Variants in PPP1R12B observed in about 807,000 individuals in gnomAD.
PPP1R12B encodes the protein myosin phosphatase target subunit 2.
A neutral mutation model predicts 126.1 loss-of-function variants in PPP1R12B; 76 were observed. The observed-to-expected ratio is 0.60, with a 90% CI of 0.50 to 0.73. The LOEUF is 0.73. PPP1R12B is among the 30% of genes least tolerant of loss of function. The probability of loss-of-function intolerance (pLI) is 0.00; values close to 1 mark genes in which losing one functional copy is unlikely to be tolerated. For synonymous variants in PPP1R12B, 356 were observed against 434.7 expected, an observed-to-expected ratio of 0.82 and a Z score of 2.25; for missense variants, 1,052 against 1,205.1, an observed-to-expected ratio of 0.87 and a Z score of 1.88.
chr1:202,470,311 G>T (rs1675672709), intron 13 of PPP1R12B, among the ~76,000 whole-genome samples: 1 of 151,986 alleles, frequency 6.6e-6, no homozygotes, highest in African/African-American at 2.4e-5. Context: ...GAGTACCTGT[G>T]CTTTCTATAT....
At chr1:202,394,522 A>G (rs758723070) in intron 1 of PPP1R12B, among the ~76,000 whole-genome samples, 7 of 152,070 alleles carry the variant, frequency 4.6e-5, no homozygotes, top group Non-Finnish European at 1.0e-4. Context: ...TGGGAGGCCA[A>G]GGCGAGCGGA....
intron 1 of PPP1R12B, among the ~76,000 whole-genome samples, chr1:202,385,353 A>G (rs1278323516): frequency 6.6e-6 from 1 of 152,148 alleles, no homozygotes; most frequent in Non-Finnish European, 1.5e-5. Context: ...GCTTCTTCTT[A>G]GTTGAGGAAG....
At chr1:202,560,114 C>G (rs1223506438) in intron 19 of PPP1R12B, among the ~76,000 whole-genome samples, 1 of 152,140 alleles carries the variant, frequency 6.6e-6, no homozygotes, top group African/African-American at 2.4e-5. Flanking sequence ...ATATCCTTCC[C>G]TTCAGCCATA....
Position 202,564,494 on chromosome 1 carries a change from G to A in PPP1R12B, c.2704G>A (p.Glu902Lys). The A allele has an allele frequency of 1.2e-6, 2 of 1,612,872 alleles. No individual in the cohort carries two copies. Among genetic ancestry groups the A allele is most frequent in the Non-Finnish European group, 1.7e-6 (2 of 1,179,566 alleles). The change falls in exon 21 of 24, where the codon GAA (glutamate) becomes AAA (lysine). Residue 902 changes from glutamate (E) to lysine (K), a missense_variant. Glu to Lys is a moderately conservative substitution (Grantham distance 56, BLOSUM62 1). Coordinates refer to ENST00000608999, the MANE Select transcript of PPP1R12B (RefSeq NM_002481.4). ...CCAAAAACTGAAAACAAAACTTCAG[G>A]AAGCCCAGCTAGAGCTAGCAGATAT... ...ENQKLKTKLQEAQLELADIKS... is the reference protein window; with the variant it reads ...ENQKLKTKLQKAQLELADIKS...
In PPP1R12B at chr1:202,420,929, C is replaced by G. The variant is rs1163105146; in HGVS notation, c.423-1691C>G. On this transcript the variant is annotated intron_variant, in intron 2 of 23. Coordinates refer to ENST00000608999, the MANE Select transcript of PPP1R12B (RefSeq NM_002481.4). ...GGCACTGAGAAAGCAAAAACATGGT[C>G]TTAATCTAATCTCTATTGATTCTTT... Among the ~76,000 whole-genome samples the G allele has an allele frequency of 2.8e-5, 4 of 143,798 alleles. No homozygotes were observed. The Admixed American group carries it at 2.8e-4, about 10-fold the overall frequency. 94.3% of individuals were successfully genotyped at this position (143,798 alleles called of 152,430 possible).
chr1:202,483,046 T>C (rs1677609126), intron 13 of PPP1R12B, among the ~76,000 whole-genome samples: 1 of 152,200 alleles, frequency 6.6e-6, no homozygotes, highest in African/African-American at 2.4e-5. Context: ...CAAAAATCAG[T>C]TGGCTTTAGG....
chr1:202,381,971 C>T (rs754336031), intron 1 of PPP1R12B, among the ~76,000 whole-genome samples: 16 of 152,072 alleles, frequency 1.1e-4, no homozygotes, highest in East Asian at 1.9e-4. Context: ...GACACATGCA[C>T]GCGTATGTTT....
At chr1:202,362,529 G>C (rs1036082300) in intron 1 of PPP1R12B, among the ~76,000 whole-genome samples, 9 of 152,128 alleles carry the variant, frequency 5.9e-5, no homozygotes, top group African/African-American at 1.9e-4. Context: ...GTGCTTAACA[G>C]GTATTTTTTA....
chr1:202,422,599 TC>T lies in PPP1R12B; in HGVS notation c.423-19del. On this transcript the variant is annotated intron_variant, in intron 2 of 23. Coordinates refer to ENST00000608999, the MANE Select transcript of PPP1R12B (RefSeq NM_002481.4). Reference sequence around the variant, plus strand: ...ATATTAGATTGACAGATAATATTGATCCTGGATCTTGTCTACGCAGGTATTT... The same window carrying T: ...ATATTAGATTGACAGATAATATTGATCTGGATCTTGTCTACGCAGGTATTT... 1 of 1,607,246 alleles carries T rather than the reference TC, an allele frequency of 6.2e-7. No homozygotes were observed. The highest frequency in any genetic ancestry group is 2.2e-5 in the East Asian group (1 of 44,826).
intron 13 of PPP1R12B, among the ~76,000 whole-genome samples, chr1:202,455,797 C>T (rs1175774272): frequency 6.6e-6 from 1 of 152,126 alleles, no homozygotes; most frequent in East Asian, 1.9e-4. Flanking sequence ...ATGACGTGAC[C>T]TATAGTTTTT....
chr1:202,413,887 T>C (rs1348068438), intron 1 of PPP1R12B, among the ~76,000 whole-genome samples: 1 of 152,150 alleles, frequency 6.6e-6, no homozygotes, highest in Non-Finnish European at 1.5e-5. Flanking sequence ...TTGTAGATGT[T>C]TTTCTTGGAT....
chr1:202,427,058 C>T lies in PPP1R12B; in HGVS notation c.720C>T (p.Gly240=). Residue 240 remains glycine, a synonymous_variant, in exon 5 of 24, where the codon GGC becomes GGT. Coordinates refer to ENST00000608999, the MANE Select transcript of PPP1R12B (RefSeq NM_002481.4). ...TTTTTAGACTTTTAATTCAGGCTGG[C>T]TATGAACTCAATGTTCAGGATTATG... The part of the protein sequence containing the change: ...SEVLRLLIQA[G]YELNVQDYDG... The T allele has an allele frequency of 6.2e-7, 1 of 1,613,022 alleles. No homozygotes were observed. Among genetic ancestry groups the T allele is most frequent in the Non-Finnish European group, 8.5e-7 (1 of 1,179,774 alleles).
At chr1:202,403,425 T>G (rs1323027930) in intron 1 of PPP1R12B, among the ~76,000 whole-genome samples, 1 of 152,262 alleles carries the variant, frequency 6.6e-6, no homozygotes, top group Non-Finnish European at 1.5e-5. Flanking sequence ...CCTCTTGAGT[T>G]GTAAAGTTAC....
At chr1:202,571,836 T>C (rs552458711) in intron 23 of PPP1R12B, among the ~76,000 whole-genome samples, 1 of 152,022 alleles carries the variant, frequency 6.6e-6, no homozygotes, top group Non-Finnish European at 1.5e-5. Flanking sequence ...CAAAGCCAAA[T>C]GAAGAAGAAA....
At chr1:202,409,296 G>A (rs1285589680) in intron 1 of PPP1R12B, among the ~76,000 whole-genome samples, 1 of 150,914 alleles carries the variant, frequency 6.6e-6, no homozygotes, top group Non-Finnish European at 1.5e-5. Context: ...CCCCTGAGCA[G>A]TGCACAAGGA....
intron 23 of PPP1R12B, chr1:202,575,090 C>A: frequency 3.7e-6 from 6 of 1,613,538 alleles, no homozygotes; most frequent in Non-Finnish European, 2.5e-6. Flanking sequence ...CGAGTGGTGG[C>A]CAGACTCTCG....
At chr1:202,422,578 T>C in intron 2 of PPP1R12B, 42 bp from the exon 3 acceptor site, 1 of 1,591,458 alleles carries the variant, frequency 6.3e-7, no homozygotes. Flanking sequence ...AAATTTATAT[T>C]AGATTGACAG....
At chr1:202,464,529 A>G (rs1343566556) in intron 13 of PPP1R12B, among the ~76,000 whole-genome samples, 1 of 152,108 alleles carries the variant, frequency 6.6e-6, no homozygotes, top group South Asian at 2.1e-4. Flanking sequence ...CCCTTTGTGC[A>G]CTTTCACCCT....
chr1:202,539,007 A>T (rs931888243), intron 18 of PPP1R12B, among the ~76,000 whole-genome samples: 2 of 152,202 alleles, frequency 1.3e-5, no homozygotes, highest in African/African-American at 4.8e-5. Context: ...TAATGGACAG[A>T]TAACTTTCTT....
Sources: gnomAD v4.1 joint callset for allele counts (sites outside exome capture counted in the v4.1 genomes callset) on GRCh38, gnomAD v4.1.1 for gene constraint, MANE v1.5 for transcripts, NCBI Gene and HGNC (gene_info 2026-07-23, HGNC 2026-07-21) for gene names.